LMX1B: variants seen among roughly 807,000 people sequenced by gnomAD.
LMX1B encodes LIM homeobox transcription factor 1-beta.
LMX1B carries 12 observed loss-of-function variants against 51.4 expected under a neutral mutation model. That is an observed-to-expected ratio of 0.23 (90% CI 0.15 to 0.38). The LOEUF (loss-of-function observed/expected upper bound fraction) is 0.38, where lower values mean the gene tolerates loss of function less well. LMX1B is among the 10% of genes least tolerant of loss of function. The probability of loss-of-function intolerance (pLI) is 1.00; values close to 1 mark genes in which losing one functional copy is unlikely to be tolerated. For missense variants in LMX1B, 445 were observed against 571.1 expected (o/e 0.78, Z 2.25); for synonymous variants, 237 against 235.4 (o/e 1.01, Z -0.06).
intron 2 of LMX1B, among the ~76,000 whole-genome samples, chr9:126,640,413 C>G (rs1009697783): frequency 6.6e-5 from 10 of 152,214 alleles, no homozygotes; most frequent in Non-Finnish European, 1.2e-4. Flanking sequence ...GAAGGCCAGT[C>G]CTTCCACTGG....
intron 2 of LMX1B, among the ~76,000 whole-genome samples, chr9:126,621,297 G>T (rs2118837849): frequency 6.6e-6 from 1 of 152,324 alleles, no homozygotes; most frequent in South Asian, 2.1e-4. Flanking sequence ...GTCAGTTGGG[G>T]GTGCCCGAGG....
chr9:126,688,962 G>T (rs564976464), intron 2 of LMX1B, among the ~76,000 whole-genome samples: 1 of 152,354 alleles, frequency 6.6e-6, no homozygotes, highest in South Asian at 2.1e-4. Flanking sequence ...TGATACCCGT[G>T]TACTGAGTTA....
At chr9:126,682,519 G>GGGCATTGGGAGGGGC (rs1836694852) in intron 2 of LMX1B, among the ~76,000 whole-genome samples, 6 of 152,170 alleles carry the variant, frequency 3.9e-5, no homozygotes, top group Admixed American at 3.9e-4. Context: ...CTGGGGGTGG[G>GGGCATTGGGAGGGGC]GGCATTGGGA....
intron 2 of LMX1B, among the ~76,000 whole-genome samples, chr9:126,676,363 T>C (rs1836563182): frequency 6.6e-6 from 1 of 152,206 alleles, no homozygotes; most frequent in Non-Finnish European, 1.5e-5. Flanking sequence ...CAGGATGGGC[T>C]GTCTCCCAGT....
intron 4 of LMX1B, 94 bp downstream of exon 4, chr9:126,693,417 A>G: frequency 6.5e-7 from 1 of 1,530,992 alleles, no homozygotes. Context: ...GGGTAGGGAC[A>G]TCCCTCCATC....
intron 2 of LMX1B, among the ~76,000 whole-genome samples, chr9:126,684,249 C>G (rs187839751): frequency 1.2e-4 from 19 of 152,036 alleles, no homozygotes; most frequent in Non-Finnish European, 2.1e-4. Flanking sequence ...GTCCCCAGTG[C>G]GGGGCATACC....
At chr9:126,630,477 C>G (rs1430472412) in intron 2 of LMX1B, among the ~76,000 whole-genome samples, 1 of 152,158 alleles carries the variant, frequency 6.6e-6, no homozygotes, top group African/African-American at 2.4e-5. Flanking sequence ...TGGTGCCAAA[C>G]AGGCATGGCG....
chr9:126,688,315 C>T (rs563403904), intron 2 of LMX1B, among the ~76,000 whole-genome samples: 13 of 152,362 alleles, frequency 8.5e-5, no homozygotes, highest in East Asian at 1.9e-4. Flanking sequence ...GCAGGTCACC[C>T]GCCCTGCTGC....
At chr9:126,642,241 G>A (rs952947529) in intron 2 of LMX1B, among the ~76,000 whole-genome samples, 4 of 152,144 alleles carry the variant, frequency 2.6e-5, no homozygotes, top group African/African-American at 7.2e-5. Flanking sequence ...CTGGCTGAGC[G>A]GACCTGTGAG....
intron 2 of LMX1B, among the ~76,000 whole-genome samples, chr9:126,636,650 AGT>A: frequency 2.0e-5 from 3 of 149,388 alleles, no homozygotes; most frequent in Admixed American, 2.0e-4. Context: ...GTAGTGTTCA[AGT>A]GTGTGCACCC....
intron 2 of LMX1B, among the ~76,000 whole-genome samples, chr9:126,616,750 G>T (rs1395274789): frequency 6.6e-6 from 1 of 152,220 alleles, no homozygotes; most frequent in African/African-American, 2.4e-5. Flanking sequence ...CCAGTCCAGG[G>T]CCTAGTGGAA....
intron 2 of LMX1B, among the ~76,000 whole-genome samples, chr9:126,650,605 G>A (rs1588280190): frequency 1.3e-5 from 2 of 152,238 alleles, no homozygotes; most frequent in African/African-American, 4.8e-5. Flanking sequence ...CAGCGGGAAA[G>A]CCCCAGGCAG....
chr9:126,623,293 G>T (rs1052383600), intron 2 of LMX1B, among the ~76,000 whole-genome samples: 3 of 152,224 alleles, frequency 2.0e-5, no homozygotes, highest in Non-Finnish European at 4.4e-5. Flanking sequence ...CATTACTACT[G>T]AGACACGTAG....
At position 126,625,181 on chromosome 9, in the gene LMX1B, G is replaced by A. The variant is rs1161053268; in HGVS notation, c.326+9612G>A. On this transcript the variant is annotated intron_variant, in intron 2 of 7. Coordinates refer to ENST00000373474, the MANE Select transcript of LMX1B (RefSeq NM_001174147.2). The surrounding 1 kb of genome is among the most constrained non-coding windows in gnomAD (Gnocchi z 5.3). ...CCCCTCCACCCCTTCCGAGGACGGC[G>A]GGAAGAGGGGGCTCCGGCCCTGTAG... 1.3e-5 allele frequency among the ~76,000 whole-genome samples: 2 copies of A among 152,254 alleles called. No homozygotes were observed. The highest frequency in any genetic ancestry group is 1.3e-4 in the Admixed American group (2 of 15,294).
intron 2 of LMX1B, among the ~76,000 whole-genome samples, chr9:126,649,225 C>T (rs939099491): frequency 3.3e-5 from 5 of 152,140 alleles, no homozygotes; most frequent in Non-Finnish European, 7.4e-5. Context: ...TCAACCTCTT[C>T]CTGGCCTCCC....
In LMX1B at chr9:126,699,040, T is replaced by C. The variant is rs1318980313; in HGVS notation, c.*2589T>C. On this transcript the variant is annotated 3_prime_UTR_variant, in exon 8 of 8. Transcript: ENST00000373474. ...ACTGGCTTCTGGAGAGACACCCCTC[T>C]TTCTCCTTTTGCACATGCACCATCT... 1 of 51,330 alleles carries C rather than the reference T, an allele frequency of 1.9e-5. No homozygotes were observed. The highest frequency in any genetic ancestry group is 4.9e-5 in the Non-Finnish European group (1 of 20,376). The allele number at this position is 51,330 out of a possible 1,614,324, so 3.2% of individuals were successfully genotyped here. A position where few individuals can be genotyped will look rare whatever the true frequency, so the allele number is the denominator to read the frequency against.
intron 2 of LMX1B, among the ~76,000 whole-genome samples, chr9:126,652,229 G>A (rs992283023): frequency 5.3e-5 from 8 of 151,220 alleles, no homozygotes; most frequent in Non-Finnish European, 1.0e-4. Context: ...GAGAGGGGGC[G>A]CGGCAGGAGG....
chr9:126,664,633 T>G (rs903140253), intron 2 of LMX1B, among the ~76,000 whole-genome samples: 1 of 152,166 alleles, frequency 6.6e-6, no homozygotes, highest in African/African-American at 2.4e-5. Flanking sequence ...CCCAGCACTT[T>G]GGGAGGCTGA....
In LMX1B at chr9:126,626,245, G is replaced by T. The variant is rs1312895930; in HGVS notation, c.326+10676G>T. ...GAGTGCACGCAGTCTCCTGCGCGCC[G>T]AGCCCAGGCTCCGGGCGCAGGGAGG... On this transcript the variant is annotated intron_variant, in intron 2 of 7. Coordinates refer to ENST00000373474, the MANE Select transcript of LMX1B (RefSeq NM_001174147.2). The surrounding 1 kb of genome is among the most constrained non-coding windows in gnomAD (Gnocchi z 4.3). Among the ~76,000 whole-genome samples, 1 of 152,254 alleles carries T rather than the reference G, an allele frequency of 6.6e-6. No individual in the cohort carries two copies. The highest frequency in any genetic ancestry group is 1.5e-5 in the Non-Finnish European group (1 of 68,044).
Sources: gnomAD v4.1 joint callset for allele counts (sites outside exome capture counted in the v4.1 genomes callset) on GRCh38, gnomAD v4.1.1 for gene constraint, Gnocchi (gnomAD v3.1) non-coding constraint, MANE v1.5 for transcripts, NCBI Gene and HGNC (gene_info 2026-07-23, HGNC 2026-07-21) for gene names.